CCDC180: variants seen among roughly 807,000 people sequenced by gnomAD.
CCDC180 encodes coiled-coil domain-containing protein 180.
Under a neutral mutation model 209.2 loss-of-function variants are expected in CCDC180, and 154 were observed. That is an observed-to-expected ratio of 0.74 (90% CI 0.65 to 0.84). The LOEUF (loss-of-function observed/expected upper bound fraction) is 0.84, where lower values mean the gene tolerates loss of function less well. Among genes scored for constraint, CCDC180 ranks in the 40% least tolerant of loss-of-function variants. The pLI, the probability that CCDC180 is intolerant of heterozygous loss-of-function variation, is 0.00. For synonymous variants in CCDC180, 778 were observed against 749.1 expected, an observed-to-expected ratio of 1.04 and a Z score of -0.63; for missense variants, 1,874 against 1,997.3, an observed-to-expected ratio of 0.94 and a Z score of 1.18.
upstream of CCDC180, chr9:97,307,359 G>T: frequency 2.0e-6 from 1 of 493,750 alleles, no homozygotes; most frequent in Non-Finnish European, 4.0e-6. Flanking sequence ...ACCGGCCCTG[G>T]CTGCCTTGAG....
intron 19 of CCDC180, among the ~76,000 whole-genome samples, 188 bp from the exon 20 acceptor site, chr9:97,347,126 T>C (rs541294929): frequency 3.9e-5 from 6 of 152,340 alleles, no homozygotes; most frequent in African/African-American, 1.4e-4. Flanking sequence ...ACATCTGACA[T>C]ACATAATGTC....
chr9:97,350,873 T>C (rs1222673761), intron 22 of CCDC180, among the ~76,000 whole-genome samples: 3 of 152,218 alleles, frequency 2.0e-5, no homozygotes, highest in Non-Finnish European at 2.9e-5. Flanking sequence ...ATTTGAAACC[T>C]CTAGGTACTT....
Position 97,326,725 on chromosome 9 carries a change from G to A in CCDC180, c.1661+56G>A, listed in dbSNP as rs1833547009. 4.4e-6 allele frequency: 5 copies of A among 1,149,176 alleles called. No individual in the cohort carries two copies. In the Admixed American group the frequency reaches 8.5e-5, roughly 19 times the overall value. The allele number at this position is 1,149,176 out of a possible 1,614,324, so 71.2% of individuals were successfully genotyped here. ...GGGATGGTCAGGAATTCATCTTCAA[G>A]GTCAAGGGCAGCCTGCCCAAGAGCC... On this transcript the variant is annotated intron_variant, in intron 15 of 36. Transcript: ENST00000529487.
At chr9:97,375,683 T>A in intron 36 of CCDC180, 94 bp downstream of exon 36, 1 of 1,525,662 alleles carries the variant, frequency 6.6e-7, no homozygotes, top group South Asian at 1.2e-5. Context: ...CACCCAACAT[T>A]TGGCTGGTGC....
chr9:97,354,822 C>A, intron 23 of CCDC180, 70 bp from the exon 24 acceptor site: 1 of 1,559,078 alleles, frequency 6.4e-7, no homozygotes, highest in Non-Finnish European at 8.8e-7. Flanking sequence ...TGGGCCTGTC[C>A]CCCTCCTCCT....
Position 97,349,191 on chromosome 9 carries a change from T to C in CCDC180, c.2755T>C (p.Phe919Leu), listed in dbSNP as rs1252524579. 1.2e-5 allele frequency: 19 copies of C among 1,536,258 alleles called. No homozygotes were observed. Among genetic ancestry groups the C allele is most frequent in the Non-Finnish European group, 8.7e-7 (1 of 1,146,970 alleles). Reference sequence around the variant, plus strand: ...GACGCTGAAGAAGAAGCGGCTGATGTTCTGCCAGTTCCAAGAAGAGCAAAA... The same window carrying C: ...GACGCTGAAGAAGAAGCGGCTGATGCTCTGCCAGTTCCAAGAAGAGCAAAA... ...TETLKKKRLM[F>L]CQFQEEQNVR... Residue 919 changes from phenylalanine (F) to leucine (L), a missense_variant, in exon 21 of 37, where the codon TTC becomes CTC. By Grantham distance (22) the Phe-to-Leu change is conservative. Transcript: ENST00000529487.
rs1332141005 is a variant in CCDC180 at position 97,322,880 on chromosome 9, A to G, written c.1207A>G (p.Lys403Glu). ...GATGCGGATCCGCCTGCTGTATGAG[A>G]AGACATGGCAGGAGTGCCTGATGCA... is the stretch of plus-strand genomic sequence containing the variant. Reference protein sequence around the residue: ...CMMRIRLLYEKTWQECLMHVQ... With the variant: ...CMMRIRLLYEETWQECLMHVQ... The change falls in exon 12 of 37, where the codon AAG (lysine) becomes GAG (glutamate). Residue 403 changes from lysine (K) to glutamate (E), a missense_variant. Coordinates refer to ENST00000529487, the MANE Select transcript of CCDC180 (RefSeq NM_020893.6). The G allele has an allele frequency of 6.2e-7, 1 of 1,613,994 alleles. No individual in the cohort carries two copies. Among genetic ancestry groups the G allele is most frequent in the Non-Finnish European group, 8.5e-7 (1 of 1,180,032 alleles).
At chr9:97,372,620 G>A (rs1414225269) in intron 34 of CCDC180, 1 of 152,260 alleles carries the variant, frequency 6.6e-6, no homozygotes. Flanking sequence ...CAGCACTTGA[G>A]AGGCTGAGGT....
chr9:97,361,559 A>G (rs1475409339), intron 26 of CCDC180, among the ~76,000 whole-genome samples, 167 bp from the exon 27 acceptor site: 1 of 152,178 alleles, frequency 6.6e-6, no homozygotes, highest in Non-Finnish European at 1.5e-5. Context: ...ATGGCTCTGT[A>G]AGGGAGATCA....
intron 26 of CCDC180, among the ~76,000 whole-genome samples, chr9:97,360,711 G>C (rs974792437): frequency 1.3e-5 from 2 of 151,962 alleles, no homozygotes; most frequent in Non-Finnish European, 2.9e-5. Flanking sequence ...CTCACCTCCT[G>C]GTCTGGGTCG....
chr9:97,370,220 G>A (rs1827041167), intron 32 of CCDC180, 138 bp downstream of exon 32: 2 of 911,914 alleles, frequency 2.2e-6, no homozygotes, highest in Non-Finnish European at 3.3e-6. Flanking sequence ...GGGGCTGAGG[G>A]ACAGGAGCCA....
chr9:97,369,153 A>G (rs1377618311), intron 31 of CCDC180: 1 of 152,246 alleles, frequency 6.6e-6, no homozygotes, highest in Non-Finnish European at 1.5e-5. Context: ...CTGGAAGGCA[A>G]ATCCAAAGAA....
At chr9:97,357,524 T>C (rs1826616660) in intron 24 of CCDC180, 103 bp from the exon 25 acceptor site, 1 of 745,806 alleles carries the variant, frequency 1.3e-6, no homozygotes, top group Admixed American at 2.5e-5. Flanking sequence ...ATTTCATTTT[T>C]TTCAGTGCTT....
chr9:97,354,748 T>C (rs1468694973), intron 23 of CCDC180, 35 bp downstream of exon 23: 1 of 1,613,454 alleles, frequency 6.2e-7, no homozygotes, highest in Non-Finnish European at 8.5e-7. Context: ...GCCAACCGGT[T>C]CCACAGTATC....
chr9:97,318,400 CCT>C lies in CCDC180; in HGVS notation c.960-57_960-56del, dbSNP rs1833248186. The C allele has an allele frequency of 2.5e-6, 4 of 1,585,918 alleles. No homozygotes were observed. The South Asian group carries it at 4.5e-5, about 18-fold the overall frequency. ...AATGCTGTCACCATGGTTCTCTTTC[CCT>C]CTCTCACTCCTGCCCTGCTCCTCCT... On this transcript the variant is annotated intron_variant, in intron 9 of 36. Transcript: ENST00000529487.
At chr9:97,318,259 C>T (rs956327612) in intron 9 of CCDC180, among the ~76,000 whole-genome samples, 1 of 152,152 alleles carries the variant, frequency 6.6e-6, no homozygotes, top group African/African-American at 2.4e-5. Flanking sequence ...ATTCCTCTGT[C>T]CCCGCTTTCT....
Position 97,317,091 on chromosome 9 carries a change from C to T in CCDC180, c.822C>T (p.Asn274=). The change falls in exon 9 of 37, where the codon AAC becomes AAT. Residue 274 remains asparagine, a synonymous_variant. Transcript: ENST00000529487. ...TCATGAACTATGCCCTGCTGGGCAACCGGAAGGCTCTCGCCCAGCTGTTTG... is the reference window on the plus strand; with the variant it reads ...TCATGAACTATGCCCTGCTGGGCAATCGGAAGGCTCTCGCCCAGCTGTTTG... ...AMVMNYALLG[N]RKALAQLFVN... is the part of the protein sequence containing the mutation. 6.2e-7 allele frequency: 1 copy of T among 1,613,082 alleles called. No individual in the cohort carries two copies. Among genetic ancestry groups the T allele is most frequent in the South Asian group, 1.1e-5 (1 of 91,036 alleles).
chr9:97,351,603 A>G (rs896746620), intron 22 of CCDC180, among the ~76,000 whole-genome samples: 13 of 152,230 alleles, frequency 8.5e-5, no homozygotes, highest in Non-Finnish European at 1.9e-4. Context: ...TCAAACACAG[A>G]TTGTATATAA....
chr9:97,350,567 T>C lies in CCDC180; in HGVS notation c.3002+12T>C, dbSNP rs1414467922. 1.3e-6 allele frequency: 2 copies of C among 1,536,296 alleles called. No individual in the cohort carries two copies. The highest frequency in any genetic ancestry group is 2.0e-5 in the Admixed American group (1 of 51,004). ...ATCAAACACTGCAGGTGGGAGCCAG[T>C]GTCCAGGGCCTCTTCAGGCCACCTG... is the stretch of plus-strand genomic sequence containing the variant. On this transcript the variant is annotated intron_variant, in intron 22 of 36. Coordinates refer to ENST00000529487, the MANE Select transcript of CCDC180 (RefSeq NM_020893.6).
Sources: gnomAD v4.1 joint callset for allele counts (sites outside exome capture counted in the v4.1 genomes callset) on GRCh38, gnomAD v4.1.1 for gene constraint, MANE v1.5 for transcripts, NCBI Gene and HGNC (gene_info 2026-07-23, HGNC 2026-07-21) for gene names.